TNFAIP8L3: variants seen among roughly 807,000 people sequenced by gnomAD.
TNFAIP8L3 encodes TNF alpha induced protein 8 like 3, also known as tumor necrosis factor alpha-induced protein 8-like protein 3.
Under a neutral mutation model 11.8 loss-of-function variants are expected in TNFAIP8L3, and 7 were observed. That is an observed-to-expected ratio of 0.59 (90% confidence interval 0.34 to 1.11). TNFAIP8L3 has a LOEUF of 1.11. TNFAIP8L3 is among the 50% of genes most tolerant of loss of function. TNFAIP8L3 has a pLI of 0.03. For missense variants in TNFAIP8L3, 219 were observed against 258.6 expected, an observed-to-expected ratio of 0.85 and a Z score of 1.05; for synonymous variants, 98 against 103.8, an observed-to-expected ratio of 0.94 and a Z score of 0.34.
rs145715405 is a variant in TNFAIP8L3, at chr15:51,067,401, TTGTGGGACTCA to T, written c.53-8969_53-8959del. ...CCACCTGCCACAGGAAGCAGGCAGC[TTGTGGGACTCA>T]TGGGGGACACCATGACTTAAAGGGT... On this transcript the variant is annotated intron_variant, in intron 1 of 1. Transcript: ENST00000637513. Among the ~76,000 whole-genome samples the T allele has an allele frequency of 4.8e-3, 736 of 152,296 alleles. 1 individual carries two copies. The highest frequency in any genetic ancestry group is 0.017 in the African/African-American group (695 of 41,574).
At chr15:51,093,637 C>A (rs965043460) in intron 1 of TNFAIP8L3, among the ~76,000 whole-genome samples, 75 of 152,166 alleles carry the variant, frequency 4.9e-4, no homozygotes, top group Admixed American at 4.4e-3. Flanking sequence ...GTCTGCAGGC[C>A]CACAGCTAAC....
rs1344524061 is a variant in TNFAIP8L3, at chr15:51,105,097, T to C, written c.80A>G (p.Asn27Ser). 11 of 1,614,112 alleles carry C rather than the reference T, an allele frequency of 6.8e-6. No individual in the cohort carries two copies. The highest frequency in any genetic ancestry group is 9.3e-6 in the Non-Finnish European group (11 of 1,180,054). ...TGTGCCTTGGGTCCCTGCATATCCG[T>C]TGACCCACAGTTTCCCCTTTGGCTC... The change falls in exon 1 of 3, where the codon AAC becomes AGC. Residue 27 changes from asparagine (N) to serine (S), a missense_variant. Transcript: ENST00000327536.
At chr15:51,062,341 T>A (rs1025576646) in intron 1 of TNFAIP8L3, among the ~76,000 whole-genome samples, 2 of 152,084 alleles carry the variant, frequency 1.3e-5, no homozygotes, top group African/African-American at 2.4e-5. Flanking sequence ...GCACCTGTGG[T>A]CTCAGCTACT....
At chr15:51,060,128 T>C (rs1462045779) in intron 1 of TNFAIP8L3, among the ~76,000 whole-genome samples, 1 of 152,240 alleles carries the variant, frequency 6.6e-6, no homozygotes, top group Non-Finnish European at 1.5e-5. Context: ...AGCTCTGACT[T>C]CCTGACTGAT....
intron 1 of TNFAIP8L3, among the ~76,000 whole-genome samples, chr15:51,088,802 C>T (rs1314046760): frequency 3.3e-5 from 5 of 152,216 alleles, no homozygotes; most frequent in East Asian, 1.9e-4. Context: ...ATGTGCTGCA[C>T]GGACTCCCCT....
intron 1 of TNFAIP8L3, among the ~76,000 whole-genome samples, chr15:51,077,947 C>G (rs553655249): frequency 1.3e-5 from 2 of 152,270 alleles, no homozygotes; most frequent in Middle Eastern, 3.4e-3. Context: ...GTCTGCGGAC[C>G]TCATCTTTCC....
chr15:51,063,489 A>G (rs1437848172), intron 1 of TNFAIP8L3, among the ~76,000 whole-genome samples: 2 of 152,158 alleles, frequency 1.3e-5, no homozygotes, highest in African/African-American at 4.8e-5. Flanking sequence ...GGAAGATTAT[A>G]CCATTTAAGA....
At chr15:51,093,478 G>A (rs2065487347) in intron 1 of TNFAIP8L3, among the ~76,000 whole-genome samples, 1 of 152,222 alleles carries the variant, frequency 6.6e-6, no homozygotes, top group African/African-American at 2.4e-5. Flanking sequence ...CTTGGTTCCC[G>A]AACCTCTCTT....
At chr15:51,095,207 G>A (rs62018216), upstream of TNFAIP8L3, among the ~76,000 whole-genome samples, 4 of 139,982 alleles carry the variant, frequency 2.9e-5, no homozygotes, top group Non-Finnish European at 6.1e-5. Flanking sequence ...TCACTAGGAA[G>A]ATGAGGGAAG....
chr15:51,088,781 T>C (rs541137886), intron 1 of TNFAIP8L3, among the ~76,000 whole-genome samples: 1 of 152,364 alleles, frequency 6.6e-6, no homozygotes, highest in Admixed American at 6.5e-5. Context: ...CCACCTGTGG[T>C]GACCACTGCC....
In TNFAIP8L3 at chr15:51,100,011, A is replaced by C. The variant is rs1339759751; in HGVS notation, c.172+4994T>G. 4.6e-5 allele frequency among the ~76,000 whole-genome samples: 7 copies of C among 152,230 alleles called. No individual in the cohort carries two copies. In the South Asian group the frequency reaches 1.5e-3, roughly 32 times the overall value. ...CAAACAGGTTTATAAATGGTTAAAG[A>C]AGAGAATGGTGATCACCAGCAGCCA... On this transcript the variant is annotated intron_variant, in intron 1 of 2. Coordinates refer to the TNFAIP8L3 transcript ENST00000327536.
At chr15:51,079,318 C>A (rs1328255593) in intron 1 of TNFAIP8L3, among the ~76,000 whole-genome samples, 6 of 152,244 alleles carry the variant, frequency 3.9e-5, no homozygotes, top group Non-Finnish European at 5.9e-5. Context: ...CAATCACCTG[C>A]CCTGTCACTT....
At chr15:51,065,081 G>A (rs561343974) in intron 1 of TNFAIP8L3, among the ~76,000 whole-genome samples, 11 of 152,212 alleles carry the variant, frequency 7.2e-5, no homozygotes, top group Non-Finnish European at 1.3e-4. Flanking sequence ...ATAGTACTTC[G>A]GAATCTCTGA....
chr15:51,061,956 G>T (rs190244950), intron 1 of TNFAIP8L3, among the ~76,000 whole-genome samples: 29 of 152,232 alleles, frequency 1.9e-4, no homozygotes, highest in African/African-American at 5.8e-4. Context: ...TTTGCCAGGA[G>T]GTTTTGTACC....
intron 1 of TNFAIP8L3, among the ~76,000 whole-genome samples, chr15:51,091,676 GCACACACACACACACACA>G (rs3077947): frequency 9.7e-5 from 14 of 144,014 alleles, no homozygotes; most frequent in African/African-American, 2.6e-4. Flanking sequence ...ACCTCCTCAA[GCACACACACACACACACA>G]CACACACACA....
intron 1 of TNFAIP8L3, among the ~76,000 whole-genome samples, chr15:51,101,700 A>C (rs1480108152): frequency 6.6e-6 from 1 of 151,962 alleles, no homozygotes; most frequent in African/African-American, 2.4e-5. Context: ...TAATCCCAGC[A>C]CTTTGGGAGG....
At chr15:51,091,571 T>C (rs2065469719) in intron 1 of TNFAIP8L3, among the ~76,000 whole-genome samples, 1 of 151,938 alleles carries the variant, frequency 6.6e-6, no homozygotes, top group Admixed American at 6.6e-5. Context: ...CCTAGAGGCA[T>C]AGGAGAAGCT....
At chr15:51,082,813 A>C (rs1350633740) in intron 1 of TNFAIP8L3, among the ~76,000 whole-genome samples, 6 of 152,218 alleles carry the variant, frequency 3.9e-5, no homozygotes, top group Non-Finnish European at 4.4e-5. Context: ...AAGGGTCAAG[A>C]TCGTCAAAAC....
chr15:51,087,730 C>G (rs776588810), intron 1 of TNFAIP8L3, among the ~76,000 whole-genome samples: 21 of 151,714 alleles, frequency 1.4e-4, no homozygotes, highest in Non-Finnish European at 2.6e-4. Context: ...GCCAAGCCTT[C>G]CATTTTTACA....
Sources: gnomAD v4.1 joint callset for allele counts (sites outside exome capture counted in the v4.1 genomes callset) on GRCh38, gnomAD v4.1.1 for gene constraint, MANE v1.5 for transcripts, NCBI Gene and HGNC (gene_info 2026-07-23, HGNC 2026-07-21) for gene names.